Variants in TRIM7 observed in about 807,000 individuals in gnomAD.
TRIM7 encodes the protein E3 ubiquitin-protein ligase TRIM7.
Under a neutral mutation model 37.9 loss-of-function variants are expected in TRIM7, and 32 were observed. The ratio of observed to expected loss-of-function variants is 0.84; its 90% CI spans 0.64 to 1.13. The LOEUF (loss-of-function observed/expected upper bound fraction) is 1.13, where lower values mean the gene tolerates loss of function less well. Ranked by LOEUF, TRIM7 falls within the 50% of genes most tolerant of loss-of-function variation. The pLI, the probability that TRIM7 is intolerant of heterozygous loss-of-function variation, is 0.00. For missense variants in TRIM7, 732 were observed against 714.0 expected (o/e 1.03, Z -0.29); for synonymous variants, 351 against 321.3 (o/e 1.09, Z -0.99).
In TRIM7 at chr5:181,195,336, C is replaced by A. The variant is rs532371393; in HGVS notation, c.1366G>T (p.Gly456Trp). ...TSPERSPLSC[G>W]HLSRVRVALD... ...GCCACCCGCACGCGCGACAGGTGCC[C>A]GCAGCTGAGGGGCGACCGCTCGGGG... Residue 456 changes from glycine to tryptophan, a missense_variant, in exon 7 of 7, where the codon GGG (glycine) becomes TGG (tryptophan). Transcript: ENST00000274773. The A allele has an allele frequency of 6.3e-7, 1 of 1,588,326 alleles. No homozygotes were observed. The highest frequency in any genetic ancestry group is 2.3e-5 in the East Asian group (1 of 43,146).
chr5:181,200,659 G>A (rs912123479), intron 2 of TRIM7: 2 of 998,622 alleles, frequency 2.0e-6, no homozygotes, highest in Non-Finnish European at 1.2e-6. Flanking sequence ...AAGGAACGAA[G>A]TGAGAATATG....
chr5:181,195,263 A>G lies in TRIM7; in HGVS notation c.1439T>C (p.Met480Thr), dbSNP rs766012791. ...GAVSFYAVED[M>T]RHLYTFRVNF... ...GACGCGGAAGGTGTAGAGGTGGCGC[A>G]TGTCCTCCACAGCGTAGAAGGACAC... The change falls in exon 7 of 7, where the codon ATG (methionine) becomes ACG (threonine). Residue 480 changes from methionine to threonine, a missense_variant. Met to Thr is a moderately conservative substitution (Grantham distance 81). Transcript: ENST00000274773. The G allele has an allele frequency of 6.2e-7, 1 of 1,611,510 alleles. No individual in the cohort carries two copies. Among genetic ancestry groups the G allele is most frequent in the Non-Finnish European group, 8.5e-7 (1 of 1,178,990 alleles).
chr5:181,201,551 TC>T (rs1395468017), intron 2 of TRIM7, among the ~76,000 whole-genome samples: 1 of 152,014 alleles, frequency 6.6e-6, no homozygotes. Flanking sequence ...GCCCACGAGT[TC>T]CAGACCAGCC....
chr5:181,200,475 T>C, intron 2 of TRIM7: 2 of 1,139,124 alleles, frequency 1.8e-6, no homozygotes, highest in Non-Finnish European at 2.2e-6. Context: ...CTCAAGCACA[T>C]TTATTTCATC....
At chr5:181,203,866 A>C in intron 1 of TRIM7, 1 of 1,282,862 alleles carries the variant, frequency 7.8e-7, no homozygotes, top group Non-Finnish European at 9.9e-7. Context: ...ACTGAAACAC[A>C]AGCTCCGGCA....
Position 181,198,740 on chromosome 5 carries a change from T to G in TRIM7, c.938A>C (p.Asn313Thr), listed in dbSNP as rs753468703. 7 of 1,614,002 alleles carry G rather than the reference T, an allele frequency of 4.3e-6. No homozygotes were observed. Among genetic ancestry groups the G allele is most frequent in the Non-Finnish European group, 5.9e-6 (7 of 1,180,006 alleles). The stretch of plus-strand genomic sequence containing the variant: ...TAAGACAAAGGTCTTGAGAGAAACA[T>G]TCCAGACTTTATTCTTCATCTCAGA... ...VSSEMKNKVW[N>T]VSLKTFVLKG... is the part of the protein sequence containing the mutation. Residue 313 changes from asparagine to threonine, a missense_variant, in exon 5 of 7, where the codon AAT becomes ACT. Physicochemically the swap from Asn to Thr is moderately conservative, Grantham distance 65. Coordinates refer to ENST00000274773, the MANE Select transcript of TRIM7 (RefSeq NM_203293.3).
rs1178822447 is a variant in TRIM7, at chr5:181,198,789, C to T, written c.889G>A (p.Gly297Ser). The T allele has an allele frequency of 1.9e-6, 3 of 1,613,744 alleles. No homozygotes were observed. Among genetic ancestry groups the T allele is most frequent in the East Asian group, 2.2e-5 (1 of 44,882 alleles). The change falls in exon 5 of 7, where the codon GGC becomes AGC. Residue 297 changes from glycine (G) to serine (S), a missense_variant. Physicochemically the swap from Gly to Ser is moderately conservative, Grantham distance 56 (BLOSUM62 0). Coordinates refer to ENST00000274773, the MANE Select transcript of TRIM7 (RefSeq NM_203293.3). ...GAAGAGACTGTGGTTGGCTTGGGGCCAGGCACATTGCTACACCTGCAGGAC... is the reference window on the plus strand; with the variant it reads ...GAAGAGACTGTGGTTGGCTTGGGGCTAGGCACATTGCTACACCTGCAGGAC... ...STLSRCSNVP[G>S]PKPTTVSSEM...
At chr5:181,200,304 C>T in intron 2 of TRIM7, 1 of 1,437,936 alleles carries the variant, frequency 7.0e-7, no homozygotes, top group Non-Finnish European at 9.1e-7. Flanking sequence ...CAGATGCACC[C>T]ACACATGTCT....
chr5:181,196,179 A>C (rs1212400206), intron 6 of TRIM7: 2 of 152,576 alleles, frequency 1.3e-5, no homozygotes, highest in Non-Finnish European at 2.9e-5. Context: ...CGGGAAATCA[A>C]GAACATCCTG....
chr5:181,205,013 A>G lies in TRIM7; in HGVS notation c.98T>C (p.Leu33Pro). 6.8e-7 allele frequency: 1 copy of G among 1,476,548 alleles called. No individual in the cohort carries two copies. The highest frequency in any genetic ancestry group is 8.9e-7 in the Non-Finnish European group (1 of 1,121,910). The allele number at this position is 1,476,548 out of a possible 1,614,324, so 91.5% of individuals were successfully genotyped here. A position where few individuals can be genotyped will look rare whatever the true frequency, so the allele number is the denominator to read the frequency against. ...GGACACCGGCTCACGAAAGAGCTCT[A>G]GGCAGATGGAGCACGTCGCCTCGCC... ...LQGEATCSIC[L>P]ELFREPVSVE... Residue 33 changes from leucine to proline, a missense_variant, in exon 1 of 7, where the codon CTA becomes CCA. By Grantham distance (98) the Leu-to-Pro change is moderately conservative (BLOSUM62 -3). Transcript: ENST00000274773.
In TRIM7 at chr5:181,195,042, G is replaced by A. The variant is rs1757004730; in HGVS notation, c.*124C>T. On this transcript the variant is annotated 3_prime_UTR_variant, in exon 7 of 7. Transcript: ENST00000274773. ...CTGCCTCGGGGTTGTGTCTGTAGCA[G>A]GCTCTCTTGGGCAGCAGGGGTCAGG... 1 of 1,243,506 alleles carries A rather than the reference G, an allele frequency of 8.0e-7. No individual in the cohort carries two copies. The highest frequency in any genetic ancestry group is 2.8e-4 in the Middle Eastern group (1 of 3,544). The allele number at this position is 1,243,506 out of a possible 1,614,324, so 77.0% of individuals were successfully genotyped here.
chr5:181,203,438 T>C, intron 2 of TRIM7, 107 bp downstream of exon 2: 2 of 1,539,762 alleles, frequency 1.3e-6, no homozygotes, highest in Non-Finnish European at 1.7e-6. Flanking sequence ...TGAAATCGAT[T>C]CTGCGGTTCC....
Position 181,195,682 on chromosome 5 carries a change from A to C in TRIM7, c.1025-5T>G. ...CGGGATCCAAGGTGAGCTCCACTGC[A>C]GACAGAGACAGGGAGAAATGTCCCC... is the stretch of plus-strand genomic sequence containing the variant. On this transcript the variant is annotated splice_region_variant and splice_polypyrimidine_tract_variant and intron_variant, in intron 6 of 6. Coordinates refer to ENST00000274773, the MANE Select transcript of TRIM7 (RefSeq NM_203293.3). The C allele has an allele frequency of 1.3e-6, 2 of 1,514,600 alleles. No individual in the cohort carries two copies. The highest frequency in any genetic ancestry group is 1.8e-6 in the Non-Finnish European group (2 of 1,129,526). 93.8% of individuals were successfully genotyped at this position (1,514,600 alleles called of 1,614,324 possible).
intron 2 of TRIM7, chr5:181,200,846 A>AG (rs780410185): frequency 1.4e-4 from 142 of 985,624 alleles, no homozygotes; most frequent in Non-Finnish European, 1.7e-4. Context: ...GGGCGGAGGA[A>AG]GGGAGTCCTG....
At chr5:181,201,033 C>T (rs974411905) in intron 2 of TRIM7, 5 of 488,866 alleles carry the variant, frequency 1.0e-5, no homozygotes, top group African/African-American at 8.7e-5. Flanking sequence ...AGACAAAAGA[C>T]AGACACATCA....
chr5:181,201,901 G>A (rs1582235313), intron 2 of TRIM7, among the ~76,000 whole-genome samples: 1 of 152,222 alleles, frequency 6.6e-6, no homozygotes, highest in South Asian at 2.1e-4. Context: ...ACCAGTGGGG[G>A]AAGAGCTGCA....
chr5:181,197,814 T>G (rs936168658), intron 6 of TRIM7: 2 of 265,994 alleles, frequency 7.5e-6, no homozygotes, highest in African/African-American at 4.4e-5. Flanking sequence ...TTCCAGTCTT[T>G]AGCTTCCCCT....
rs1157742120 is a variant in TRIM7 at position 181,195,593 on chromosome 5, G to T, written c.1109C>A (p.Ala370Asp). 7 of 1,595,172 alleles carry T rather than the reference G, an allele frequency of 4.4e-6. No individual in the cohort carries two copies. Among genetic ancestry groups the T allele is most frequent in the Middle Eastern group, 3.3e-4 (2 of 6,002 alleles). The change falls in exon 7 of 7, where the codon GCC becomes GAC. Residue 370 changes from alanine to aspartate, a missense_variant. By Grantham distance (126) the Ala-to-Asp change is moderately radical. Transcript: ENST00000274773. ...GCAGGGGTGGTTGGGCAGGTCCTGG[G>T]CCCGCTCGCCGAGGCGCACGCCCTT... Reference protein sequence around the residue: ...DLKGVRLGERAQDLPNHPCRF... With the variant: ...DLKGVRLGERDQDLPNHPCRF...
At position 181,199,131 on chromosome 5, in the gene TRIM7, T is replaced by G. The variant is rs1757322210; in HGVS notation, c.850-14A>C. On this transcript the variant is annotated splice_polypyrimidine_tract_variant and intron_variant, in intron 3 of 6. Coordinates refer to ENST00000274773, the MANE Select transcript of TRIM7 (RefSeq NM_203293.3). Reference sequence around the variant, plus strand: ...GCTTTTGAATTCCTGGAAGGAAAGATAGAGGAAACCAAATCAGCATCAGGT... The same window carrying G: ...GCTTTTGAATTCCTGGAAGGAAAGAGAGAGGAAACCAAATCAGCATCAGGT... The G allele has an allele frequency of 1.9e-6, 3 of 1,614,058 alleles. No homozygotes were observed. The South Asian group carries it at 3.3e-5, about 18-fold the overall frequency.
Sources: gnomAD v4.1 joint callset for allele counts (sites outside exome capture counted in the v4.1 genomes callset) on GRCh38, gnomAD v4.1.1 for gene constraint, MANE v1.5 for transcripts, NCBI Gene and HGNC (gene_info 2026-07-23, HGNC 2026-07-21) for gene names.